The following FNIP2 variants were observed in gnomAD, a reference collection of about 807,000 sequenced individuals.
The protein encoded by FNIP2 is folliculin-interacting protein 2.
A neutral mutation model predicts 108.7 loss-of-function variants in FNIP2; 32 were observed. The ratio of observed to expected loss-of-function variants is 0.29; its 90% CI spans 0.22 to 0.40. FNIP2 has a LOEUF of 0.40. Among genes scored for constraint, FNIP2 ranks in the 10% least tolerant of loss-of-function variants. The pLI is 1.00. For missense variants in FNIP2, 1,202 were observed against 1,381.6 expected (o/e 0.87, Z 2.06); for synonymous variants, 480 against 496.7 (o/e 0.97, Z 0.45).
chr4:158,829,373 ATGT>A (rs1394972454), intron 3 of FNIP2, 148 bp downstream of exon 3: 8 of 670,262 alleles, frequency 1.2e-5, no homozygotes, highest in Non-Finnish European at 1.8e-5. Flanking sequence ...TTTCACATCG[ATGT>A]TGTTTTTGCT....
Position 158,847,409 on chromosome 4 carries a change from A to T in FNIP2, c.728-3912A>T, listed in dbSNP as rs138378700. 1.4e-4 allele frequency among the ~76,000 whole-genome samples: 22 copies of T among 152,264 alleles called. No individual in the cohort carries two copies. The East Asian group carries it at 3.5e-3, about 24-fold the overall frequency. On this transcript the variant is annotated intron_variant, in intron 7 of 16. Coordinates refer to ENST00000264433, the MANE Select transcript of FNIP2 (RefSeq NM_020840.3). ...CTTTGTCTTGGATACCAGCTCAGAC[A>T]CAGTAGGATAGAGCACTGGGCAATG...
At chr4:158,830,343 A>G (rs1333470504) in intron 3 of FNIP2, among the ~76,000 whole-genome samples, 1 of 145,522 alleles carries the variant, frequency 6.9e-6, no homozygotes, top group Non-Finnish European at 1.5e-5. Flanking sequence ...GCTCACTGCA[A>G]GCTCCGCTTC....
chr4:158,849,406 G>T (rs1196591482), intron 7 of FNIP2, among the ~76,000 whole-genome samples: 1 of 151,922 alleles, frequency 6.6e-6, no homozygotes, highest in Non-Finnish European at 1.5e-5. Context: ...CATATTTTGG[G>T]GTATCATTTT....
chr4:158,856,596 A>G (rs1053038913), intron 8 of FNIP2, among the ~76,000 whole-genome samples: 7 of 152,206 alleles, frequency 4.6e-5, no homozygotes, highest in Non-Finnish European at 1.0e-4. Flanking sequence ...ATTGACTAGC[A>G]TGAGCACCAG....
chr4:158,835,301 C>T (rs1778737816), intron 6 of FNIP2, 104 bp from the exon 7 acceptor site: 1 of 816,928 alleles, frequency 1.2e-6, no homozygotes, highest in East Asian at 2.7e-5. Context: ...TGCCAATCAT[C>T]AGTAGCAGTA....
chr4:158,861,409 G>A lies in FNIP2; in HGVS notation c.1216G>A (p.Gly406Ser), dbSNP rs1273551648. The change falls in exon 11 of 17, where the codon GGC (glycine) becomes AGC (serine). Residue 406 changes from glycine to serine, a missense_variant. By Grantham distance (56) the Gly-to-Ser change is moderately conservative (BLOSUM62 0). This residue lies in a region of FNIP2 where 878 missense variants were observed against 990.3 expected (regional missense o/e 0.89). Coordinates refer to ENST00000264433, the MANE Select transcript of FNIP2 (RefSeq NM_020840.3). Reference protein sequence around the residue: ...AEPVWLTMMSGTLEKNQLCQR... With the variant: ...AEPVWLTMMSSTLEKNQLCQR... ...ACCTGTATGGCTTACTATGATGTCC[G>A]GCACTTTGGAAAAAAACCAGCTCTG... The A allele has an allele frequency of 2.0e-5, 33 of 1,613,778 alleles. No homozygotes were observed. Among genetic ancestry groups the A allele is most frequent in the East Asian group, 4.5e-5 (2 of 44,890 alleles).
intron 14 of FNIP2, among the ~76,000 whole-genome samples, chr4:158,888,299 C>T (rs573634636): frequency 3.3e-5 from 5 of 152,168 alleles, no homozygotes; most frequent in Admixed American, 6.5e-5. Flanking sequence ...TGAAAAGGTT[C>T]TGCTGGTTCT....
intron 15 of FNIP2, chr4:158,893,620 GA>G: frequency 1.6e-6 from 2 of 1,249,122 alleles, no homozygotes; most frequent in South Asian, 2.6e-5. Context: ...AGCACTTGTG[GA>G]TTATTATGAT....
intron 1 of FNIP2, among the ~76,000 whole-genome samples, chr4:158,807,148 CATAG>C (rs1330463698): frequency 6.6e-6 from 1 of 151,960 alleles, no homozygotes; most frequent in Non-Finnish European, 1.5e-5. Context: ...CAGATTCTTC[CATAG>C]ATAGATAGTA....
At chr4:158,877,587 A>G (rs1234204430) in intron 14 of FNIP2, among the ~76,000 whole-genome samples, 2 of 152,216 alleles carry the variant, frequency 1.3e-5, no homozygotes, top group Non-Finnish European at 2.9e-5. Flanking sequence ...TGTGTTAAAA[A>G]TATGTTTGAT....
chr4:158,797,911 C>T (rs1776640191), intron 1 of FNIP2, among the ~76,000 whole-genome samples: 1 of 152,184 alleles, frequency 6.6e-6, no homozygotes, highest in South Asian at 2.1e-4. Flanking sequence ...CCTTCTCCCA[C>T]ACCACTGGGA....
At chr4:158,794,329 T>TG (rs1475192353) in intron 1 of FNIP2, among the ~76,000 whole-genome samples, 1 of 105,048 alleles carries the variant, frequency 9.5e-6, no homozygotes, top group Non-Finnish European at 2.2e-5. Flanking sequence ...TAAAAAAAAA[T>TG]TTTTTTTGTA....
chr4:158,819,397 A>G (rs1777754071), intron 1 of FNIP2, among the ~76,000 whole-genome samples: 1 of 136,382 alleles, frequency 7.3e-6, no homozygotes. Flanking sequence ...AATTGTTTGT[A>G]AATTAATATT....
chr4:158,872,751 T>TC, intron 14 of FNIP2: 1 of 752,522 alleles, frequency 1.3e-6, no homozygotes, highest in Non-Finnish European at 1.6e-6. Flanking sequence ...TTTTTTTTTT[T>TC]AAAAAACAGG....
At chr4:158,823,684 A>G (rs1163330724) in intron 1 of FNIP2, among the ~76,000 whole-genome samples, 2 of 152,136 alleles carry the variant, frequency 1.3e-5, no homozygotes, top group Non-Finnish European at 2.9e-5. Context: ...GCTCACCTCT[A>G]CTTTCCTCCA....
At chr4:158,902,195 G>T (rs1404950985) in intron 16 of FNIP2, among the ~76,000 whole-genome samples, 2 of 152,080 alleles carry the variant, frequency 1.3e-5, no homozygotes, top group Non-Finnish European at 2.9e-5. Context: ...TTTTGTTGAT[G>T]TTGATGTGGC....
intron 1 of FNIP2, among the ~76,000 whole-genome samples, chr4:158,818,742 T>C (rs937908683): frequency 2.0e-5 from 3 of 152,234 alleles, no homozygotes; most frequent in African/African-American, 7.2e-5. Flanking sequence ...CTTTGAATTA[T>C]GCTCTACAGC....
intron 8 of FNIP2, among the ~76,000 whole-genome samples, chr4:158,857,782 A>AG: frequency 1.6e-5 from 1 of 62,210 alleles, no homozygotes; most frequent in South Asian, 3.6e-4. Flanking sequence ...ATCTCTACCA[A>AG]AAAAAAAAAA....
rs141801323 is a variant in FNIP2 at position 158,837,338 on chromosome 4, G to A, written c.727+1862G>A. The stretch of plus-strand genomic sequence containing the variant: ...GATGAGCAACATTCTACTGGGGCCC[G>A]TTCTGAACACTGACATCACAGTTTC... On this transcript the variant is annotated intron_variant, in intron 7 of 16. Transcript: ENST00000264433. Among the ~76,000 whole-genome samples, 234 of 152,256 alleles carry A rather than the reference G, an allele frequency of 1.5e-3. 4 individuals carry two copies. In the East Asian group the frequency reaches 0.02, roughly 13 times the overall value.
Sources: allele counts gnomAD v4.1 joint callset (sites outside exome capture counted in the v4.1 genomes callset), GRCh38; gene constraint gnomAD v4.1.1; regional missense constraint gnomAD v4.1.1; transcripts MANE v1.5; gene names NCBI Gene and HGNC (gene_info 2026-07-23, HGNC 2026-07-21).